PEAK1: variants seen among roughly 807,000 people sequenced by gnomAD.
PEAK1 encodes the protein pseudopodium enriched atypical kinase 1.
In PEAK1, 54 loss-of-function variants were observed where a neutral mutation model predicts 124.7. The ratio of observed to expected loss-of-function variants is 0.43; its 90% confidence interval spans 0.35 to 0.54. The LOEUF (loss-of-function observed/expected upper bound fraction) is 0.54, where lower values mean the gene tolerates loss of function less well. PEAK1 is among the 20% of genes least tolerant of loss of function. The pLI, the probability that PEAK1 is intolerant of heterozygous loss-of-function variation, is 0.01. For missense variants in PEAK1, 2,046 were observed against 2,134.5 expected, an observed-to-expected ratio of 0.96 and a Z score of 0.82; for synonymous variants, 719 against 760.0, an observed-to-expected ratio of 0.95 and a Z score of 0.89.
At chr15:77,140,405 A>T (rs1431564600) in intron 8 of PEAK1, among the ~76,000 whole-genome samples, 1 of 152,236 alleles carries the variant, frequency 6.6e-6, no homozygotes, top group Non-Finnish European at 1.5e-5. Context: ...ACAAGGTGGG[A>T]TTTATTCCAG....
chr15:77,154,130 G>C (rs1302035436), intron 8 of PEAK1, among the ~76,000 whole-genome samples: 1 of 152,244 alleles, frequency 6.6e-6, no homozygotes, highest in African/African-American at 2.4e-5. Context: ...AAGTCTCTTT[G>C]TAGGTCACTA....
At position 77,113,325 on chromosome 15, in the gene PEAK1, C is replaced by T. The variant is rs1303031604; in HGVS notation, c.*831G>A. 1 of 152,318 alleles carries T rather than the reference C, an allele frequency of 6.6e-6. No individual in the cohort carries two copies. Among genetic ancestry groups the T allele is most frequent in the Non-Finnish European group, 1.5e-5 (1 of 68,102 alleles). The allele number at this position is 152,318 out of a possible 1,614,324, so 9.4% of individuals were successfully genotyped here. On this transcript the variant is annotated 3_prime_UTR_variant, in exon 10 of 10. Coordinates refer to ENST00000682557, the MANE Select transcript of PEAK1 (RefSeq NM_001385026.1). The stretch of plus-strand genomic sequence containing the variant: ...ATTGCACATGCAAGAAAATCATCTC[C>T]TCATGCCCTGCCAGCTATTTATAAG...
At chr15:77,309,788 T>G (rs990422638) in intron 2 of PEAK1, among the ~76,000 whole-genome samples, 3 of 152,216 alleles carry the variant, frequency 2.0e-5, no homozygotes, top group Non-Finnish European at 2.9e-5. Context: ...ACTTGTTTTA[T>G]ATACAATCAC....
At chr15:77,272,930 T>A (rs1475707460) in intron 5 of PEAK1, among the ~76,000 whole-genome samples, 1 of 152,196 alleles carries the variant, frequency 6.6e-6, no homozygotes, top group Middle Eastern at 3.2e-3. Flanking sequence ...GTGGGTTTCA[T>A]AACAGGGATG....
intron 5 of PEAK1, among the ~76,000 whole-genome samples, chr15:77,266,979 G>T (rs2061770144): frequency 6.6e-6 from 1 of 150,964 alleles, no homozygotes. Flanking sequence ...GCTCTGTGTT[G>T]TTGGTGGGGG....
At chr15:77,278,503 T>C (rs1485728001) in intron 5 of PEAK1, 2 of 495,328 alleles carry the variant, frequency 4.0e-6, no homozygotes, top group Middle Eastern at 3.5e-4. Flanking sequence ...CTAAAGGAGA[T>C]AAAGCCAAAG....
In PEAK1 at chr15:77,139,633, T is replaced by A. The variant is rs1471856338; in HGVS notation, c.3332-5883A>T. Among the ~76,000 whole-genome samples, 2 of 152,206 alleles carry A rather than the reference T, an allele frequency of 1.3e-5. 1 individual carries two copies. The highest frequency in any genetic ancestry group is 2.9e-5 in the Non-Finnish European group (2 of 68,046). On this transcript the variant is annotated intron_variant, in intron 8 of 9. Coordinates refer to ENST00000682557, the MANE Select transcript of PEAK1 (RefSeq NM_001385026.1). ...AAAACATCATTATATAGCACATGAC[T>A]ATATCCATTTCCCATGCACACTACT...
intron 1 of PEAK1, among the ~76,000 whole-genome samples, chr15:77,414,421 C>T (rs936576055): frequency 1.3e-5 from 2 of 150,600 alleles, no homozygotes; most frequent in African/African-American, 4.9e-5. Flanking sequence ...GGGGTTTCAC[C>T]ATTTTGCCCA....
Position 77,114,074 on chromosome 15 carries a change from T to A in PEAK1, c.*82A>T. ...GTTTGCCTTTCTTCTTTCCTTGAAT[T>A]TGGAGTGAGCACTAGGGAGGGGAAG... is the stretch of plus-strand genomic sequence containing the variant. On this transcript the variant is annotated 3_prime_UTR_variant, in exon 10 of 10. Coordinates refer to ENST00000682557, the MANE Select transcript of PEAK1 (RefSeq NM_001385026.1). 1 of 1,436,486 alleles carries A rather than the reference T, an allele frequency of 7.0e-7. No individual in the cohort carries two copies. The highest frequency in any genetic ancestry group is 9.6e-7 in the Non-Finnish European group (1 of 1,040,966). 89.0% of individuals were successfully genotyped at this position (1,436,486 alleles called of 1,614,324 possible). A position where few individuals can be genotyped will look rare whatever the true frequency, so the allele number is the denominator to read the frequency against.
intron 9 of PEAK1, among the ~76,000 whole-genome samples, chr15:77,126,693 GA>G (rs2052403509): frequency 1.3e-5 from 2 of 152,194 alleles, no homozygotes; most frequent in Admixed American, 6.5e-5. Flanking sequence ...ACACTGATGT[GA>G]AAACCAAGAG....
intron 9 of PEAK1, among the ~76,000 whole-genome samples, chr15:77,120,801 C>T (rs190369291): frequency 6.6e-6 from 1 of 152,204 alleles, no homozygotes; most frequent in Non-Finnish European, 1.5e-5. Context: ...GTCCTACTTC[C>T]CACCTGTGTT....
Position 77,181,603 on chromosome 15 carries a change from T to C in PEAK1, c.324A>G (p.Arg108=). The part of the protein sequence containing the change: ...KPVIIGWNRN[R]AALSQKPLNN... The stretch of plus-strand genomic sequence containing the variant: ...TAAGTGGTTTCTGACTCAAGGCAGC[T>C]CTGTTTCGGTTCCACCCTATGATGA... The change falls in exon 7 of 10, where the codon AGA becomes AGG. Residue 108 remains arginine, a synonymous_variant. Transcript: ENST00000682557. 1.9e-6 allele frequency: 3 copies of C among 1,614,186 alleles called. No homozygotes were observed. Among genetic ancestry groups the C allele is most frequent in the Non-Finnish European group, 2.5e-6 (3 of 1,180,022 alleles).
chr15:77,216,744 T>C (rs1391615854), intron 6 of PEAK1, among the ~76,000 whole-genome samples: 1 of 152,164 alleles, frequency 6.6e-6, no homozygotes, highest in East Asian at 1.9e-4. Flanking sequence ...TTAGTTCAGC[T>C]TACACAATTC....
At chr15:77,146,930 C>A (rs952039595) in intron 8 of PEAK1, among the ~76,000 whole-genome samples, 6 of 152,038 alleles carry the variant, frequency 3.9e-5, no homozygotes, top group Admixed American at 1.3e-4. Context: ...GTATATCCAC[C>A]CCGTAAAATT....
At chr15:77,263,382 A>G (rs1269116298) in intron 5 of PEAK1, among the ~76,000 whole-genome samples, 3 of 152,196 alleles carry the variant, frequency 2.0e-5, no homozygotes. Flanking sequence ...AAGAAAAGAG[A>G]GAAGAATCAA....
rs2050794047 is a variant in PEAK1 at position 77,108,307 on chromosome 15, A to C, written c.*5849T>G. ...GATTTATACAACTTTACAATATGTA[A>C]GTAGAGGGGTGAAGCTCCGGAAAGA... On this transcript the variant is annotated 3_prime_UTR_variant, in exon 10 of 10. Transcript: ENST00000682557. 1 of 152,246 alleles carries C rather than the reference A, an allele frequency of 6.6e-6. No individual in the cohort carries two copies. The highest frequency in any genetic ancestry group is 1.5e-5 in the Non-Finnish European group (1 of 68,040). The allele number at this position is 152,246 out of a possible 1,614,324, so 9.4% of individuals were successfully genotyped here.
At chr15:77,368,015 T>C (rs1346606876) in intron 1 of PEAK1, among the ~76,000 whole-genome samples, 1 of 152,178 alleles carries the variant, frequency 6.6e-6, no homozygotes, top group South Asian at 2.1e-4. Flanking sequence ...ACAGGTAAGT[T>C]GTGACTATAA....
chr15:77,124,423 T>C (rs909373236), intron 9 of PEAK1, among the ~76,000 whole-genome samples: 9 of 152,242 alleles, frequency 5.9e-5, no homozygotes, highest in Non-Finnish European at 1.0e-4. Flanking sequence ...GCATAACCCA[T>C]TGAGATCTCA....
At chr15:77,414,206 TC>T (rs1330195408) in intron 1 of PEAK1, among the ~76,000 whole-genome samples, 9 of 135,592 alleles carry the variant, frequency 6.6e-5, no homozygotes, top group African/African-American at 2.5e-4. Flanking sequence ...CTTCTTTCCT[TC>T]TTTTTTTTTT....
Sources: allele counts gnomAD v4.1 joint callset (sites outside exome capture counted in the v4.1 genomes callset), GRCh38; gene constraint gnomAD v4.1.1; transcripts MANE v1.5; gene names NCBI Gene and HGNC (gene_info 2026-07-23, HGNC 2026-07-21).